The following STIM2 variants were observed in gnomAD, a reference collection of about 807,000 sequenced individuals.
STIM2 encodes the protein stromal interaction molecule 2.
In STIM2, 31 loss-of-function variants were observed where a neutral mutation model predicts 85.8. The ratio of observed to expected loss-of-function variants is 0.36; its 90% confidence interval spans 0.27 to 0.49. STIM2 has a LOEUF of 0.49. Ranked by LOEUF, STIM2 falls within the 20% of genes least tolerant of loss-of-function variation. The pLI, the probability that STIM2 is intolerant of heterozygous loss-of-function variation, is 0.98. For synonymous variants in STIM2, 356 were observed against 331.1 expected (o/e 1.08, Z -0.82); for missense variants, 841 against 927.6 (o/e 0.91, Z 1.21).
Position 26,999,249 on chromosome 4 carries a change from C to A in STIM2, c.527C>A (p.Pro176His), listed in dbSNP as rs764698334. Reference sequence around the variant, plus strand: ...ATAAACAGGATAGCAGTGCACGAACCTTCATTTATGATCTCCCAGTTGAAA... The same window carrying A: ...ATAAACAGGATAGCAGTGCACGAACATTCATTTATGATCTCCCAGTTGAAA... The change falls in exon 5 of 12, where the codon CCT (proline) becomes CAT (histidine). Residue 176 changes from proline (P) to histidine (H), a missense_variant. Pro to His is a moderately conservative substitution (Grantham distance 77, BLOSUM62 -2). Transcript: ENST00000467087. 6.2e-7 allele frequency: 1 copy of A among 1,605,896 alleles called. No individual in the cohort carries two copies. Among genetic ancestry groups the A allele is most frequent in the Non-Finnish European group, 8.5e-7 (1 of 1,175,886 alleles).
intron 3 of STIM2, among the ~76,000 whole-genome samples, chr4:26,960,221 C>T (rs926318626): frequency 5.3e-5 from 8 of 152,126 alleles, no homozygotes; most frequent in Middle Eastern, 3.2e-3. Flanking sequence ...AGTAGTTCTT[C>T]TGAAAAAGTT....
chr4:27,003,654 A>G (rs756781218), intron 7 of STIM2, among the ~76,000 whole-genome samples: 1 of 152,026 alleles, frequency 6.6e-6, no homozygotes, highest in African/African-American at 2.4e-5. Context: ...AGACAGATGC[A>G]TTAGTTTCCT....
intron 3 of STIM2, among the ~76,000 whole-genome samples, chr4:26,983,044 G>A (rs1226115071): frequency 1.3e-5 from 2 of 152,126 alleles, no homozygotes; most frequent in East Asian, 3.9e-4. Flanking sequence ...CCTGTTGTCC[G>A]CATTATAGAG....
chr4:26,873,955 G>C (rs1195355622), intron 1 of STIM2: 2 of 1,230,832 alleles, frequency 1.6e-6, no homozygotes, highest in Middle Eastern at 2.5e-4. Flanking sequence ...GGCTCAGGCT[G>C]TGAGTCAGGG....
At chr4:26,985,490 T>G (rs1442757444) in intron 3 of STIM2, among the ~76,000 whole-genome samples, 2 of 152,202 alleles carry the variant, frequency 1.3e-5, no homozygotes, top group African/African-American at 4.8e-5. Flanking sequence ...ATAACACAAA[T>G]ATTTTTCAAA....
At chr4:26,864,692 TA>T (rs1353206812) in intron 1 of STIM2, among the ~76,000 whole-genome samples, 1 of 152,106 alleles carries the variant, frequency 6.6e-6, no homozygotes, top group East Asian at 1.9e-4. Flanking sequence ...TTATTAGAAA[TA>T]ACATATATAA....
chr4:26,979,778 C>A (rs1410996332), intron 3 of STIM2, among the ~76,000 whole-genome samples: 2 of 152,036 alleles, frequency 1.3e-5, no homozygotes, highest in Non-Finnish European at 2.9e-5. Flanking sequence ...ATAGGAAAAG[C>A]AGTACTTTTA....
chr4:26,864,202 C>G (rs1722312377), intron 1 of STIM2, among the ~76,000 whole-genome samples: 1 of 152,030 alleles, frequency 6.6e-6, no homozygotes, highest in South Asian at 2.1e-4. Context: ...TTTGGTGAGA[C>G]AGAACCAATA....
chr4:26,937,531 C>T (rs1725437713), intron 2 of STIM2, among the ~76,000 whole-genome samples: 1 of 152,134 alleles, frequency 6.6e-6, no homozygotes, highest in Non-Finnish European at 1.5e-5. Context: ...CCTGTTTATT[C>T]CCATTTCACA....
intron 1 of STIM2, among the ~76,000 whole-genome samples, chr4:26,871,582 T>TA (rs1361424702): frequency 6.6e-6 from 1 of 152,186 alleles, no homozygotes; most frequent in Non-Finnish European, 1.5e-5. Flanking sequence ...GGCTTTTCAG[T>TA]AAGTGCGTAA....
intron 7 of STIM2, among the ~76,000 whole-genome samples, chr4:27,005,071 C>T (rs1005545828): frequency 1.3e-5 from 2 of 152,170 alleles, no homozygotes; most frequent in African/African-American, 4.8e-5. Flanking sequence ...CTATTAAAAG[C>T]TTTGCTTGTA....
intron 1 of STIM2, among the ~76,000 whole-genome samples, chr4:26,872,790 C>G (rs1227835168): frequency 2.0e-5 from 3 of 152,048 alleles, no homozygotes; most frequent in Non-Finnish European, 4.4e-5. Context: ...ACAAGAGAGA[C>G]ATAAAATAGA....
At chr4:26,862,214 C>T (rs1335640729) in intron 1 of STIM2, among the ~76,000 whole-genome samples, 1 of 151,748 alleles carries the variant, frequency 6.6e-6, no homozygotes, top group Non-Finnish European at 1.5e-5. Context: ...TTTTTAAAGC[C>T]TTCCGGTGTT....
chr4:26,976,339 G>A (rs1249739367), intron 3 of STIM2, among the ~76,000 whole-genome samples: 2 of 151,310 alleles, frequency 1.3e-5, no homozygotes, highest in Non-Finnish European at 1.5e-5. Context: ...ATCACGCTGG[G>A]AGCTGCAGAT....
At chr4:26,937,324 T>C (rs1725430678) in intron 2 of STIM2, among the ~76,000 whole-genome samples, 1 of 152,192 alleles carries the variant, frequency 6.6e-6, no homozygotes, top group Non-Finnish European at 1.5e-5. Context: ...GGGTTGTGAA[T>C]TAGGACAGGA....
At chr4:26,869,000 C>T (rs1045445675) in intron 1 of STIM2, among the ~76,000 whole-genome samples, 3 of 152,020 alleles carry the variant, frequency 2.0e-5, no homozygotes, top group African/African-American at 7.2e-5. Flanking sequence ...ATGTTTATTC[C>T]GTGTTTGTTT....
intron 3 of STIM2, among the ~76,000 whole-genome samples, chr4:26,964,782 A>G (rs550331038): frequency 1.3e-4 from 20 of 152,290 alleles, no homozygotes; most frequent in African/African-American, 4.8e-4. Context: ...AGATCTTTTA[A>G]CAAGTAATTA....
chr4:26,880,049 C>T (rs1202658746), intron 1 of STIM2, among the ~76,000 whole-genome samples: 1 of 152,188 alleles, frequency 6.6e-6, no homozygotes, highest in Admixed American at 6.5e-5. Flanking sequence ...ATTTTCTCCC[C>T]CCGCTTTAGA....
At chr4:26,913,818 C>T (rs1724430503) in intron 1 of STIM2, among the ~76,000 whole-genome samples, 1 of 152,170 alleles carries the variant, frequency 6.6e-6, no homozygotes, top group South Asian at 2.1e-4. Context: ...GGTTTAGGCA[C>T]TGGGCAAAGA....
Sources: gnomAD v4.1 joint callset for allele counts (sites outside exome capture counted in the v4.1 genomes callset) on GRCh38, gnomAD v4.1.1 for gene constraint, MANE v1.5 for transcripts, NCBI Gene and HGNC (gene_info 2026-07-23, HGNC 2026-07-21) for gene names.